NID1: variants seen among roughly 807,000 people sequenced by gnomAD.
NID1 encodes nidogen 1.
Under a neutral mutation model 130.6 loss-of-function variants are expected in NID1, and 76 were observed. The observed-to-expected ratio is 0.58, with a 90% CI of 0.48 to 0.70. The LOEUF is 0.70. NID1 is among the 30% of genes least tolerant of loss of function. The pLI, the probability that NID1 is intolerant of heterozygous loss-of-function variation, is 0.00. For synonymous variants in NID1, 665 were observed against 675.1 expected (o/e 0.98, Z 0.23); for missense variants, 1,517 against 1,664.8 (o/e 0.91, Z 1.54).
At chr1:236,048,134 C>T (rs971288810) in intron 2 of NID1, among the ~76,000 whole-genome samples, 1 of 149,990 alleles carries the variant, frequency 6.7e-6, no homozygotes, top group Non-Finnish European at 1.5e-5. Context: ...GAGATAGAGA[C>T]CATCCTGGCT....
chr1:236,017,447 G>A (rs1016715892), intron 9 of NID1, among the ~76,000 whole-genome samples, 174 bp from the exon 10 acceptor site: 3 of 151,796 alleles, frequency 2.0e-5, no homozygotes, highest in Non-Finnish European at 2.9e-5. Context: ...GTGCAATGGT[G>A]CAATCTCGGT....
rs1657484172 is a variant in NID1, at chr1:235,983,108, C to T, written c.3056-1326G>A. Among the ~76,000 whole-genome samples, 3 of 152,330 alleles carry T rather than the reference C, an allele frequency of 2.0e-5. No homozygotes were observed. The South Asian group carries it at 6.2e-4, about 32-fold the overall frequency. On this transcript the variant is annotated intron_variant, in intron 15 of 19. Coordinates refer to ENST00000264187, the MANE Select transcript of NID1 (RefSeq NM_002508.3). ...CAGGCTGGTCTCAAACTCCTGACCT[C>T]AAGTGATCCCCCGCCTTGGCCTCCC... is the stretch of plus-strand genomic sequence containing the variant.
intron 1 of NID1, among the ~76,000 whole-genome samples, chr1:236,051,738 C>T (rs1659768485): frequency 6.6e-6 from 1 of 152,192 alleles, no homozygotes; most frequent in African/African-American, 2.4e-5. Context: ...TCTCGAGCCG[C>T]CAGAAGTTGG....
At chr1:236,023,170 C>T (rs1201234972) in intron 9 of NID1, among the ~76,000 whole-genome samples, 2 of 152,124 alleles carry the variant, frequency 1.3e-5, no homozygotes, top group Middle Eastern at 3.2e-3. Context: ...TGCATACCCA[C>T]GTTCATAACA....
chr1:236,009,942 T>C (rs534886353), intron 12 of NID1, among the ~76,000 whole-genome samples: 1 of 152,306 alleles, frequency 6.6e-6, no homozygotes, highest in East Asian at 1.9e-4. Context: ...GTCCCATCTT[T>C]AGATTCCAGC....
chr1:235,979,204 G>A lies in NID1; in HGVS notation c.3510-97C>T. 7.6e-6 allele frequency: 6 copies of A among 788,212 alleles called. No individual in the cohort carries two copies. In the South Asian group the frequency reaches 9.5e-5, roughly 12 times the overall value. 48.8% of individuals were successfully genotyped at this position (788,212 alleles called of 1,614,324 possible). On this transcript the variant is annotated intron_variant, in intron 18 of 19. Coordinates refer to ENST00000264187, the MANE Select transcript of NID1 (RefSeq NM_002508.3). The surrounding 1 kb of genome is among the most constrained non-coding windows in gnomAD (Gnocchi z 4.6). The stretch of plus-strand genomic sequence containing the variant: ...TCTTTGTCATTTTGAGGATAAACTG[G>A]AGGCCATAAACAGACATGATGGCCT...
At chr1:235,997,460 T>A (rs753845030) in intron 12 of NID1, among the ~76,000 whole-genome samples, 1 of 152,182 alleles carries the variant, frequency 6.6e-6, no homozygotes, top group African/African-American at 2.4e-5. Context: ...TTTGTATATA[T>A]GTTTACACAT....
At chr1:236,009,948 C>A (rs1658361268) in intron 12 of NID1, among the ~76,000 whole-genome samples, 1 of 152,110 alleles carries the variant, frequency 6.6e-6, no homozygotes, top group Non-Finnish European at 1.5e-5. Context: ...TCTTTAGATT[C>A]CAGCCTACAC....
At chr1:235,993,512 A>G (rs1657823828) in intron 13 of NID1, 133 bp downstream of exon 13, 1 of 783,692 alleles carries the variant, frequency 1.3e-6, no homozygotes, top group African/African-American at 1.7e-5. Flanking sequence ...GTGCAGCAGG[A>G]GCGGGTGGGG....
intron 12 of NID1, among the ~76,000 whole-genome samples, chr1:235,998,698 T>C (rs538718289): frequency 6.6e-6 from 1 of 152,246 alleles, no homozygotes; most frequent in East Asian, 1.9e-4. Context: ...TCTGGTTTTG[T>C]TCACTCTTGA....
intron 4 of NID1, among the ~76,000 whole-genome samples, chr1:236,039,227 T>C (rs2102837781): frequency 6.8e-6 from 1 of 147,706 alleles, no homozygotes; most frequent in Admixed American, 6.8e-5. Context: ...TATAATTATA[T>C]GATATAATTT....
chr1:236,064,537 C>T, intron 1 of NID1: 1 of 313,160 alleles, frequency 3.2e-6, no homozygotes, highest in Non-Finnish European at 6.0e-6. Flanking sequence ...AGCCGAGGGA[C>T]GCGGACTGAC....
At chr1:236,063,979 C>A (rs980945855) in intron 1 of NID1, among the ~76,000 whole-genome samples, 1 of 152,222 alleles carries the variant, frequency 6.6e-6, no homozygotes, top group African/African-American at 2.4e-5. Context: ...CCAGGCCAGA[C>A]CGGGAGCACA....
In NID1 at chr1:236,045,646, G is replaced by C; in HGVS notation, c.563C>G (p.Ser188Cys). ...ATAAAGGAAAATGGCATAGGAGCTG[G>C]AATCAGAGGAGGCTAGAACAGCCTG... Reference protein sequence around the residue: ...TFQAVLASSDSSSYAIFLYPE... With the variant: ...TFQAVLASSDCSSYAIFLYPE... Residue 188 changes from serine to cysteine, a missense_variant, in exon 3 of 20, where the codon TCC becomes TGC. Physicochemically the swap from Ser to Cys is moderately radical, Grantham distance 112 (BLOSUM62 -1). Coordinates refer to ENST00000264187, the MANE Select transcript of NID1 (RefSeq NM_002508.3). 6.2e-7 allele frequency: 1 copy of C among 1,614,132 alleles called. No individual in the cohort carries two copies. The highest frequency in any genetic ancestry group is 8.5e-7 in the Non-Finnish European group (1 of 1,180,012).
intron 7 of NID1, 110 bp from the exon 8 acceptor site, chr1:236,026,251 C>T: frequency 7.2e-7 from 1 of 1,381,396 alleles, no homozygotes; most frequent in Non-Finnish European, 1.0e-6. Flanking sequence ...TATTCCCTGC[C>T]CATAAGGCTA....
intron 11 of NID1, 84 bp from the exon 12 acceptor site, chr1:236,012,127 A>T: frequency 6.5e-7 from 1 of 1,529,080 alleles, no homozygotes; most frequent in South Asian, 1.2e-5. Flanking sequence ...CACTTACTCA[A>T]ATCTATGGGA....
chr1:236,017,972 A>G (rs1199512800), intron 9 of NID1, among the ~76,000 whole-genome samples: 1 of 152,236 alleles, frequency 6.6e-6, no homozygotes, highest in Non-Finnish European at 1.5e-5. Flanking sequence ...TAAATATGCT[A>G]TTATTCGAAA....
rs772605176 is a variant in NID1, at chr1:236,029,759, C to G, written c.1538-9G>C. 20 of 1,613,832 alleles carry G rather than the reference C, an allele frequency of 1.2e-5. No individual in the cohort carries two copies. The highest frequency in any genetic ancestry group is 1.6e-5 in the Non-Finnish European group (19 of 1,179,956). Reference sequence around the variant, plus strand: ...GCGAGTGAACTCACCCCCTGAAAAACAAGATGAGACTGTCACTTTGCTGAC... The same window carrying G: ...GCGAGTGAACTCACCCCCTGAAAAAGAAGATGAGACTGTCACTTTGCTGAC... On this transcript the variant is annotated splice_polypyrimidine_tract_variant and intron_variant, in intron 6 of 19. Transcript: ENST00000264187.
intron 10 of NID1, among the ~76,000 whole-genome samples, chr1:236,016,265 G>T (rs1264863707): frequency 6.6e-6 from 1 of 152,062 alleles, no homozygotes; most frequent in Non-Finnish European, 1.5e-5. Flanking sequence ...TATGAGAACT[G>T]CCTGTTCCCT....
Sources: gnomAD v4.1 joint callset for allele counts (sites outside exome capture counted in the v4.1 genomes callset) on GRCh38, gnomAD v4.1.1 for gene constraint, Gnocchi (gnomAD v3.1) non-coding constraint, MANE v1.5 for transcripts, NCBI Gene and HGNC (gene_info 2026-07-23, HGNC 2026-07-21) for gene names.